Variants in IL1RAPL1 observed in about 807,000 individuals in gnomAD.
IL1RAPL1 encodes the protein interleukin 1 receptor accessory protein like 1, also known as interleukin-1 receptor accessory protein-like 1.
IL1RAPL1 carries 3 observed loss-of-function variants against 48.4 expected under a neutral mutation model. The ratio of observed to expected loss-of-function variants is 0.06; its 90% CI spans 0.03 to 0.16. The LOEUF is 0.16. Ranked by LOEUF, IL1RAPL1 falls within the 10% of genes least tolerant of loss-of-function variation. The pLI is 1.00. For synonymous variants in IL1RAPL1, 185 were observed against 187.7 expected, an observed-to-expected ratio of 0.99 and a Z score of 0.12; for missense variants, 349 against 530.6, an observed-to-expected ratio of 0.66 and a Z score of 3.36.
Position 29,937,632 on chromosome X carries a change from G to A in IL1RAPL1, c.1058-4019G>A, listed in dbSNP as rs765516751. Among the ~76,000 whole-genome samples, 3 of 111,988 alleles carry A rather than the reference G, an allele frequency of 2.7e-5. No homozygotes were observed. The Admixed American group carries it at 2.8e-4, about 11-fold the overall frequency. On this transcript the variant is annotated intron_variant, in intron 8 of 10. Coordinates refer to ENST00000378993, the MANE Select transcript of IL1RAPL1 (RefSeq NM_014271.4). ...GAAAAAAAATTTAACTTGCATACATGTATAATGTGTAGGCTTGTATATTAC... is the reference window on the plus strand; with the variant it reads ...GAAAAAAAATTTAACTTGCATACATATATAATGTGTAGGCTTGTATATTAC...
At chrX:29,369,854 A>G (rs915456680) in intron 3 of IL1RAPL1, 4 of 111,622 alleles carry the variant, frequency 3.6e-5, no homozygotes, top group South Asian at 7.5e-4. Context: ...TAGGCTGATC[A>G]TTTCAGAAAT....
chrX:28,940,974 AT>A (rs929135075), intron 2 of IL1RAPL1, among the ~76,000 whole-genome samples: 3 of 110,571 alleles, frequency 2.7e-5, no homozygotes, highest in Non-Finnish European at 3.8e-5. Flanking sequence ...CACTATATAT[AT>A]TTTTTGTTTA....
chrX:28,903,424 CT>C lies in IL1RAPL1; in HGVS notation c.82+114015del, dbSNP rs199661606. The stretch of plus-strand genomic sequence containing the variant: ...CTTCAGTCATGTATTTTCTTTCTTT[CT>C]TTTTTTTTTTTTTTTGTTTTGATCA... On this transcript the variant is annotated intron_variant, in intron 2 of 10. Transcript: ENST00000378993. 4.1e-3 allele frequency among the ~76,000 whole-genome samples: 406 copies of C among 100,087 alleles called. 1 individual carries two copies. The highest frequency in any genetic ancestry group is 0.01 in the African/African-American group (282 of 27,090). 86.9% of individuals were successfully genotyped at this position (100,087 alleles called of 115,157 possible).
chrX:29,428,779 GACTC>G lies in IL1RAPL1; in HGVS notation c.703+29476_703+29479del, dbSNP rs1482964542. Among the ~76,000 whole-genome samples, 4 of 111,399 alleles carry G rather than the reference GACTC, an allele frequency of 3.6e-5. No homozygotes were observed. The East Asian group carries it at 1.1e-3, about 31-fold the overall frequency. On this transcript the variant is annotated intron_variant, in intron 5 of 10. Transcript: ENST00000378993. ...AACCAGATGCTTAAAAGCAATCAGTGACTCACTCCACATTACCCAAAGGATAAAT... is the reference window on the plus strand; with the variant it reads ...AACCAGATGCTTAAAAGCAATCAGTGACTCCACATTACCCAAAGGATAAAT...
intron 3 of IL1RAPL1, among the ~76,000 whole-genome samples, chrX:29,322,306 G>A (rs1418140079): frequency 1.0e-5 from 1 of 99,030 alleles, no homozygotes; most frequent in Admixed American, 1.2e-4. Flanking sequence ...CTTTCTTGTC[G>A]CCCAGGCTGG....
intron 2 of IL1RAPL1, among the ~76,000 whole-genome samples, chrX:28,828,232 C>T (rs1381528367): frequency 8.9e-6 from 1 of 111,764 alleles, no homozygotes; most frequent in Admixed American, 9.5e-5. Flanking sequence ...ATGTGAACAT[C>T]AGTCTATATG....
chrX:29,369,908 G>A (rs192820049), intron 3 of IL1RAPL1: 40 of 111,660 alleles, frequency 3.6e-4, no homozygotes, highest in African/African-American at 1.3e-3. Context: ...TTATTTATTC[G>A]CTGTCTCTCC....
At chrX:29,792,696 A>G (rs943404806) in intron 6 of IL1RAPL1, among the ~76,000 whole-genome samples, 3 of 111,065 alleles carry the variant, frequency 2.7e-5, no homozygotes, top group Non-Finnish European at 5.7e-5. Context: ...TGTTAGTCTA[A>G]CCTATAGCAT....
chrX:29,476,464 T>C (rs1026195520), intron 5 of IL1RAPL1, among the ~76,000 whole-genome samples: 3 of 111,910 alleles, frequency 2.7e-5, no homozygotes, highest in African/African-American at 9.8e-5. Context: ...TGTCGTGTAT[T>C]TATGTGATGT....
intron 2 of IL1RAPL1, among the ~76,000 whole-genome samples, chrX:29,184,140 A>T (rs769610319): frequency 1.5e-3 from 169 of 112,305 alleles, no homozygotes; most frequent in African/African-American, 5.3e-3. Context: ...TATAAAATAT[A>T]CACATATTTC....
At chrX:29,381,262 C>G (rs1356316834) in intron 3 of IL1RAPL1, among the ~76,000 whole-genome samples, 1 of 108,070 alleles carries the variant, frequency 9.3e-6, no homozygotes, top group Non-Finnish European at 1.9e-5. Flanking sequence ...AATGATGTTA[C>G]CAATAATGTA....
At chrX:29,574,069 T>C (rs1208904435) in intron 5 of IL1RAPL1, among the ~76,000 whole-genome samples, 1 of 110,212 alleles carries the variant, frequency 9.1e-6, no homozygotes, top group Middle Eastern at 4.2e-3. Flanking sequence ...TTTAATTGTC[T>C]CATGGTTCCA....
At chrX:28,813,538 A>G (rs1453710687) in intron 2 of IL1RAPL1, among the ~76,000 whole-genome samples, 2 of 111,411 alleles carry the variant, frequency 1.8e-5, no homozygotes, top group Admixed American at 9.6e-5. Context: ...TATAATGTCA[A>G]TGAGTTAAAA....
chrX:29,226,773 C>T (rs1290452058), intron 2 of IL1RAPL1, among the ~76,000 whole-genome samples: 1 of 110,380 alleles, frequency 9.1e-6, no homozygotes, highest in African/African-American at 3.3e-5. Flanking sequence ...AAACTGTAAT[C>T]AATTTTGGTC....
chrX:29,350,163 C>A (rs975607039), intron 3 of IL1RAPL1, among the ~76,000 whole-genome samples: 98 of 86,804 alleles, frequency 1.1e-3, no homozygotes, highest in African/African-American at 4.7e-3. Context: ...ACAAGACCAG[C>A]CCCTCCCTTG....
intron 5 of IL1RAPL1, among the ~76,000 whole-genome samples, chrX:29,447,051 A>G (rs1934620454): frequency 2.7e-5 from 3 of 111,634 alleles, no homozygotes; most frequent in African/African-American, 9.7e-5. Flanking sequence ...AGTTCCTGAA[A>G]TCAACTAAAT....
chrX:29,435,587 GA>G (rs1266051151), intron 5 of IL1RAPL1, among the ~76,000 whole-genome samples: 1 of 110,500 alleles, frequency 9.0e-6, no homozygotes, highest in Non-Finnish European at 1.9e-5. Context: ...CTTGATTTAT[GA>G]ATGCATTTGT....
chrX:29,589,871 G>A (rs925636056), intron 5 of IL1RAPL1, among the ~76,000 whole-genome samples: 1 of 111,024 alleles, frequency 9.0e-6, no homozygotes, highest in Admixed American at 9.6e-5. Flanking sequence ...CAGGAGGCAT[G>A]GTGCTGGCAT....
At chrX:29,944,859 C>T (rs1436373942) in intron 9 of IL1RAPL1, among the ~76,000 whole-genome samples, 1 of 110,992 alleles carries the variant, frequency 9.0e-6, no homozygotes, top group African/African-American at 3.3e-5. Context: ...GTTTCACACA[C>T]TTGCCCAGAT....
Sources: gnomAD v4.1 joint callset for allele counts (sites outside exome capture counted in the v4.1 genomes callset) on GRCh38, gnomAD v4.1.1 for gene constraint, MANE v1.5 for transcripts, NCBI Gene and HGNC (gene_info 2026-07-23, HGNC 2026-07-21) for gene names.